Variants in TRIM36 observed in about 807,000 individuals in gnomAD.
TRIM36 encodes the protein E3 ubiquitin-protein ligase TRIM36.
In TRIM36, 42 loss-of-function variants were observed where a neutral mutation model predicts 72.4. That is an observed-to-expected ratio of 0.58 (90% confidence interval 0.45 to 0.75). The LOEUF is 0.75. Ranked by LOEUF, TRIM36 falls within the 30% of genes least tolerant of loss-of-function variation. The pLI is 0.00. For synonymous variants in TRIM36, 315 were observed against 282.8 expected, an observed-to-expected ratio of 1.11 and a Z score of -1.14; for missense variants, 913 against 857.1, an observed-to-expected ratio of 1.07 and a Z score of -0.81.
chr5:115,159,244 A>G (rs1754347241), intron 2 of TRIM36, among the ~76,000 whole-genome samples: 1 of 152,160 alleles, frequency 6.6e-6, no homozygotes, highest in African/African-American at 2.4e-5. Context: ...AATAATCAAT[A>G]CCTTTAATCA....
upstream of TRIM36, chr5:115,171,064 G>C: frequency 6.2e-7 from 1 of 1,613,566 alleles, no homozygotes; most frequent in Non-Finnish European, 8.5e-7. Context: ...TAAATTGCTG[G>C]GTAAGTAGGG....
chr5:115,165,894 G>A (rs1754746764), intron 1 of TRIM36, among the ~76,000 whole-genome samples: 1 of 152,134 alleles, frequency 6.6e-6, no homozygotes, highest in African/African-American at 2.4e-5. Flanking sequence ...GAAAAGCTGT[G>A]GCCAAGCCCG....
intron 1 of TRIM36, among the ~76,000 whole-genome samples, chr5:115,168,581 A>G (rs2126943802): frequency 6.6e-6 from 1 of 152,372 alleles, no homozygotes; most frequent in South Asian, 2.1e-4. Context: ...ATTTAACTGC[A>G]TTAGAGCCAA....
At chr5:115,173,100 G>A (rs908404094), upstream of TRIM36, among the ~76,000 whole-genome samples, 17 of 152,160 alleles carry the variant, frequency 1.1e-4, no homozygotes, top group African/African-American at 2.9e-4. Flanking sequence ...CTGGGCTGCC[G>A]TGCTTTGTGT....
exon 1 of TRIM36, chr5:115,180,112 T>C: frequency 6.8e-7 from 1 of 1,478,562 alleles, no homozygotes; most frequent in Non-Finnish European, 9.4e-7. Context: ...TCTTTTTCTG[T>C]TTTTAGTCTG....
intron 7 of TRIM36, 51 bp from the exon 8 acceptor site, chr5:115,134,198 A>G (rs1752841666): frequency 1.4e-6 from 2 of 1,469,794 alleles, no homozygotes; most frequent in Non-Finnish European, 1.8e-6. Flanking sequence ...ACATTTGAAA[A>G]CCAGTGTTTT....
rs564049639 is a variant in TRIM36 at position 115,133,000 on chromosome 5, G to A, written c.1498+860C>T. 3.3e-4 allele frequency among the ~76,000 whole-genome samples: 50 copies of A among 152,300 alleles called. 1 individual carries two copies. In the South Asian group the frequency reaches 8.7e-3, roughly 27 times the overall value. Reference sequence around the variant, plus strand: ...ATTTTTTAAAAGCTACAATGTGCATGAAAAACAAATTGTGCTTTTCTATTT... The same window carrying A: ...ATTTTTTAAAAGCTACAATGTGCATAAAAAACAAATTGTGCTTTTCTATTT... On this transcript the variant is annotated intron_variant, in intron 8 of 9. Coordinates refer to ENST00000513154, the MANE Select transcript of TRIM36 (RefSeq NM_001300759.2).
chr5:115,166,152 C>T (rs1315196998), intron 1 of TRIM36, among the ~76,000 whole-genome samples: 3 of 152,178 alleles, frequency 2.0e-5, no homozygotes, highest in African/African-American at 7.2e-5. Context: ...GCTGAAACCC[C>T]ACCTTCAAGC....
rs1040428628 is a variant in TRIM36, at chr5:115,169,758, G to A, written c.-124C>T. 3 of 1,403,836 alleles carry A rather than the reference G, an allele frequency of 2.1e-6. No homozygotes were observed. Among genetic ancestry groups the A allele is most frequent in the Admixed American group, 4.8e-5 (2 of 41,248 alleles). 87.0% of individuals were successfully genotyped at this position (1,403,836 alleles called of 1,614,324 possible). ...TCGGTCCGAAGCTGGAAGATGAGCT[G>A]GTCAGCTGTACGTGGCCAGCGGACC... is the stretch of plus-strand genomic sequence containing the variant. On this transcript the variant is annotated 5_prime_UTR_variant, in exon 1 of 10. Transcript: ENST00000513154.
intron 2 of TRIM36, chr5:115,148,486 A>C (rs1753715814): frequency 2.4e-6 from 1 of 420,524 alleles, no homozygotes; most frequent in Non-Finnish European, 3.0e-6. Flanking sequence ...ATCTCGGCTC[A>C]CTGCAACCTC....
chr5:115,180,048 C>T (rs1393298643), exon 1 of TRIM36: 1 of 1,612,816 alleles, frequency 6.2e-7, no homozygotes, highest in South Asian at 1.1e-5. Context: ...GTTTACACCC[C>T]TTCACAAACT....
intron 5 of TRIM36, 21 bp downstream of exon 5, chr5:115,141,258 G>A (rs377136173): frequency 2.0e-6 from 3 of 1,480,070 alleles, no homozygotes; most frequent in Non-Finnish European, 1.9e-6. Flanking sequence ...TTTAAAATAT[G>A]CAAGCTAGTT....
chr5:115,127,286 T>C (rs2974529), intron 9 of TRIM36, among the ~76,000 whole-genome samples: 142,334 of 152,334 alleles, frequency 0.93, 66,620 homozygotes, highest in Middle Eastern at 0.99. Flanking sequence ...TTCAGTTGGG[T>C]GCAGTGGCTC....
At chr5:115,147,541 A>C in intron 2 of TRIM36, 147 bp from the exon 3 acceptor site, 1 of 1,008,632 alleles carries the variant, frequency 9.9e-7, no homozygotes, top group South Asian at 1.9e-5. Flanking sequence ...TGTATTGTGA[A>C]AATGTTTTTA....
At position 115,125,885 on chromosome 5, in the gene TRIM36, T is replaced by C. The variant is rs1752339073; in HGVS notation, c.*618A>G. On this transcript the variant is annotated 3_prime_UTR_variant, in exon 10 of 10. Coordinates refer to ENST00000513154, the MANE Select transcript of TRIM36 (RefSeq NM_001300759.2). ...CTTAAAATGTCCTTAGCAATACAGTTTGTGGTCTTAACAAAACAAAACAGT... is the reference window on the plus strand; with the variant it reads ...CTTAAAATGTCCTTAGCAATACAGTCTGTGGTCTTAACAAAACAAAACAGT... The C allele has an allele frequency of 6.6e-6, 1 of 152,210 alleles. No homozygotes were observed. Among genetic ancestry groups the C allele is most frequent in the African/African-American group, 2.4e-5 (1 of 41,456 alleles). 9.4% of individuals were successfully genotyped at this position (152,210 alleles called of 1,614,324 possible).
At chr5:115,157,332 G>A (rs1754228303) in intron 2 of TRIM36, among the ~76,000 whole-genome samples, 1 of 152,124 alleles carries the variant, frequency 6.6e-6, no homozygotes, top group African/African-American at 2.4e-5. Context: ...GGAGGCTGGG[G>A]TGGGTGGATC....
In TRIM36 at chr5:115,159,854, C is replaced by T. The variant is rs565989932; in HGVS notation, c.262+3664G>A. ...GAAGCCAGGAGCATAAAACATACATCAAGCAATCTTATTACAATCATTGTG... is the reference window on the plus strand; with the variant it reads ...GAAGCCAGGAGCATAAAACATACATTAAGCAATCTTATTACAATCATTGTG... On this transcript the variant is annotated intron_variant, in intron 2 of 9. Coordinates refer to ENST00000513154, the MANE Select transcript of TRIM36 (RefSeq NM_001300759.2). 1.1e-3 allele frequency among the ~76,000 whole-genome samples: 173 copies of T among 152,080 alleles called. 1 individual carries two copies. Among genetic ancestry groups the T allele is most frequent in the Middle Eastern group, 6.8e-3 (2 of 294 alleles).
intron 1 of TRIM36, chr5:115,177,579 A>C: frequency 7.0e-7 from 1 of 1,436,370 alleles, no homozygotes; most frequent in East Asian, 2.5e-5. Context: ...AATCCTGTAT[A>C]ATCACACACA....
chr5:115,130,939 G>C (rs1412800752), intron 8 of TRIM36, 50 bp from the exon 9 acceptor site: 2 of 1,544,770 alleles, frequency 1.3e-6, no homozygotes, highest in South Asian at 1.2e-5. Flanking sequence ...CATTGCTCTA[G>C]TTTGTTAAAT....
Sources: gnomAD v4.1 joint callset for allele counts (sites outside exome capture counted in the v4.1 genomes callset) on GRCh38, gnomAD v4.1.1 for gene constraint, MANE v1.5 for transcripts, NCBI Gene and HGNC (gene_info 2026-07-23, HGNC 2026-07-21) for gene names.